The following TAMM41 variants were observed in gnomAD, a reference collection of about 807,000 sequenced individuals.
TAMM41 encodes TAM41 mitochondrial translocator assembly and maintenance homolog.
A neutral mutation model predicts 44.1 loss-of-function variants in TAMM41; 36 were observed. That is an observed-to-expected ratio of 0.82 (90% CI 0.63 to 1.08). The LOEUF (loss-of-function observed/expected upper bound fraction) is 1.08. TAMM41 is among the 50% of genes least tolerant of loss of function. TAMM41 has a pLI of 0.00. For synonymous variants in TAMM41, 164 were observed against 153.1 expected (o/e 1.07, Z -0.53); for missense variants, 417 against 404.3 (o/e 1.03, Z -0.27).
downstream of TAMM41, among the ~76,000 whole-genome samples, chr3:11,787,419 T>C (rs2077424010): frequency 6.6e-6 from 1 of 152,218 alleles, no homozygotes; most frequent in Admixed American, 6.5e-5. Context: ...AGCGTCCTGA[T>C]GTGCAGATTC....
chr3:11,834,753 C>T (rs1035528984), intron 3 of TAMM41, among the ~76,000 whole-genome samples: 2 of 152,196 alleles, frequency 1.3e-5, no homozygotes, highest in Admixed American at 1.3e-4. Flanking sequence ...GTGGCATGAT[C>T]TTGACTCACT....
intron 1 of TAMM41, chr3:11,845,230 G>A (rs556319544): frequency 1.4e-4 from 47 of 332,058 alleles, no homozygotes; most frequent in Admixed American, 2.2e-4. Flanking sequence ...TAGATCTGAA[G>A]CCATGGCAAG....
At position 11,833,072 on chromosome 3, in the gene TAMM41, T is replaced by A. The variant is rs1289895168; in HGVS notation, c.412-3208A>T. On this transcript the variant is annotated intron_variant, in intron 3 of 7. Coordinates refer to ENST00000455809, the MANE Select transcript of TAMM41 (RefSeq NM_001284401.2). ...TCTGGTTCTTCAATGAAAGGTGAAC[T>A]AGGAACTTGTCTCAGCAGCACTGTT... 4.0e-6 allele frequency: 5 copies of A among 1,248,762 alleles called. No homozygotes were observed. The South Asian group carries it at 5.4e-5, about 13-fold the overall frequency. The allele number at this position is 1,248,762 out of a possible 1,614,324, so 77.4% of individuals were successfully genotyped here.
the TAMM41 span, among the ~76,000 whole-genome samples, chr3:11,747,525 T>G: frequency 6.6e-6 from 1 of 152,030 alleles, no homozygotes; most frequent in Non-Finnish European, 1.5e-5. Flanking sequence ...TCCCAGAACT[T>G]CAGGAGGCCG....
At chr3:11,807,306 G>C (rs564226902) in intron 7 of TAMM41, 1 of 1,444,820 alleles carries the variant, frequency 6.9e-7, no homozygotes, top group Admixed American at 2.8e-5. Flanking sequence ...GGGAGGGTGC[G>C]TACATTTGAT....
At chr3:11,808,451 C>G in intron 6 of TAMM41, 8 of 986,646 alleles carry the variant, frequency 8.1e-6, no homozygotes, top group Non-Finnish European at 9.6e-6. Flanking sequence ...ACACACTCTG[C>G]AAACCTAGTG....
the TAMM41 span, among the ~76,000 whole-genome samples, chr3:11,778,741 T>C: frequency 1.3e-5 from 2 of 152,186 alleles, no homozygotes; most frequent in African/African-American, 4.8e-5. Context: ...ATTTCCCTGA[T>C]GATGAGTGAT....
chr3:11,770,400 C>T, the TAMM41 span, among the ~76,000 whole-genome samples: 2 of 152,214 alleles, frequency 1.3e-5, no homozygotes, highest in East Asian at 1.9e-4. Flanking sequence ...AGCCCCTTCC[C>T]CTTGCTGGGC....
intron 7 of TAMM41, among the ~76,000 whole-genome samples, chr3:11,800,510 A>G (rs1343935713): frequency 2.0e-5 from 3 of 151,052 alleles, no homozygotes; most frequent in African/African-American, 7.3e-5. Context: ...AGAACTATAT[A>G]TATGTCAAAT....
the TAMM41 span, among the ~76,000 whole-genome samples, chr3:11,773,756 T>C: frequency 6.6e-6 from 1 of 152,212 alleles, no homozygotes; most frequent in Admixed American, 6.5e-5. Context: ...ATCAATGTGT[T>C]ATGAGCTAAA....
the TAMM41 span, among the ~76,000 whole-genome samples, chr3:11,733,981 G>A: frequency 1.3e-5 from 2 of 152,100 alleles, no homozygotes; most frequent in Non-Finnish European, 2.9e-5. Flanking sequence ...TGGAGAAAGA[G>A]CATGGAGAAG....
chr3:11,729,556 T>C, the TAMM41 span, among the ~76,000 whole-genome samples: 54 of 110,372 alleles, frequency 4.9e-4, 2 homozygotes, highest in Admixed American at 1.1e-3. Context: ...TTTTTTTTTT[T>C]TTTTTTTTTT....
At chr3:11,772,737 C>T in the TAMM41 span, among the ~76,000 whole-genome samples, 1 of 151,972 alleles carries the variant, frequency 6.6e-6, no homozygotes, top group South Asian at 2.1e-4. Flanking sequence ...TTGAGAAATC[C>T]CCATAATGTT....
the TAMM41 span, among the ~76,000 whole-genome samples, chr3:11,779,285 A>G: frequency 2.0e-5 from 3 of 152,190 alleles, no homozygotes; most frequent in Non-Finnish European, 4.4e-5. Context: ...CACGAGCCAA[A>G]TAAACCTTTA....
chr3:11,792,468 A>G (rs2077502492), intron 7 of TAMM41, among the ~76,000 whole-genome samples: 1 of 152,180 alleles, frequency 6.6e-6, no homozygotes, highest in Non-Finnish European at 1.5e-5. Context: ...TGAACTCCCT[A>G]ACACTGCAGG....
intron 7 of TAMM41, among the ~76,000 whole-genome samples, chr3:11,792,522 G>A (rs2077504335): frequency 6.6e-6 from 1 of 152,196 alleles, no homozygotes; most frequent in Non-Finnish European, 1.5e-5. Context: ...TGTGCAGGGC[G>A]TCCAGAGTTC....
intron 4 of TAMM41, among the ~76,000 whole-genome samples, chr3:11,817,958 C>T (rs889802283): frequency 6.6e-6 from 1 of 152,150 alleles, no homozygotes; most frequent in Non-Finnish European, 1.5e-5. Context: ...CTGAAAAACA[C>T]CTAATTCTGA....
At chr3:11,801,074 A>G (rs920824340) in intron 7 of TAMM41, among the ~76,000 whole-genome samples, 1 of 148,900 alleles carries the variant, frequency 6.7e-6, no homozygotes, top group Non-Finnish European at 1.5e-5. Flanking sequence ...CCTGGGCAAC[A>G]GAGCAAGACC....
rs1158636410 is a variant in TAMM41 at position 11,829,748 on chromosome 3, G to A, written c.528C>T (p.Asp176=). 4.3e-6 allele frequency: 7 copies of A among 1,614,066 alleles called. No homozygotes were observed. The highest frequency in any genetic ancestry group is 5.9e-6 in the Non-Finnish European group (7 of 1,180,032). ...AGAGACCGGCAATCTCTATGAAGAG[G>A]TCTTCTTCAGAAAAGCTTTCGGGGA... is the stretch of plus-strand genomic sequence containing the variant. ...LMLPESFSEE[D]LFIEIAGLSY... The change falls in exon 4 of 8, where the codon GAC becomes GAT. Residue 176 remains aspartate, a synonymous_variant. Coordinates refer to ENST00000455809, the MANE Select transcript of TAMM41 (RefSeq NM_001284401.2).
Sources: gnomAD v4.1 joint callset for allele counts (sites outside exome capture counted in the v4.1 genomes callset) on GRCh38, gnomAD v4.1.1 for gene constraint, MANE v1.5 for transcripts, NCBI Gene and HGNC (gene_info 2026-07-23, HGNC 2026-07-21) for gene names.